Variants in MAP7 observed in about 807,000 individuals in gnomAD.
MAP7 encodes the protein microtubule associated protein 7.
A neutral mutation model predicts 94.8 loss-of-function variants in MAP7; 52 were observed. That is an observed-to-expected ratio of 0.55 (90% CI 0.44 to 0.69). MAP7 has a LOEUF of 0.69. Among genes scored for constraint, MAP7 ranks in the 30% least tolerant of loss-of-function variants. The probability of loss-of-function intolerance (pLI) is 0.00; values close to 1 mark genes in which losing one functional copy is unlikely to be tolerated. For synonymous variants in MAP7, 350 were observed against 357.0 expected (o/e 0.98, Z 0.22); for missense variants, 940 against 964.6 (o/e 0.97, Z 0.34).
At chr6:136,515,354 A>G (rs9376193) in intron 1 of MAP7, among the ~76,000 whole-genome samples, 17,613 of 152,140 alleles carry the variant, frequency 0.12, 2,530 homozygotes, top group African/African-American at 0.34. Context: ...CTTTCTTATC[A>G]TTTGTGTTTA....
At chr6:136,471,783 T>C (rs944480435) in intron 1 of MAP7, among the ~76,000 whole-genome samples, 7 of 152,176 alleles carry the variant, frequency 4.6e-5, no homozygotes, top group Admixed American at 2.0e-4. Flanking sequence ...AAAGATACTT[T>C]TATTTTCTAT....
intron 2 of MAP7, among the ~76,000 whole-genome samples, chr6:136,412,074 T>C (rs1787661500): frequency 6.6e-6 from 1 of 152,218 alleles, no homozygotes. Flanking sequence ...ACTGCACAAA[T>C]GTTTGAGAGT....
At position 136,485,892 on chromosome 6, in the gene MAP7, C is replaced by T. The variant is rs142193556; in HGVS notation, c.68-64093G>A. Among the ~76,000 whole-genome samples the T allele has an allele frequency of 3.9e-3, 597 of 152,258 alleles. 5 individuals carry two copies. Among genetic ancestry groups the T allele is most frequent in the African/African-American group, 0.014 (574 of 41,538 alleles). The stretch of plus-strand genomic sequence containing the variant: ...AGATTTTTTAATGCTTTAAATAGAA[C>T]CTATAATGCATTTTCACAGATGACA... On this transcript the variant is annotated intron_variant, in intron 1 of 17. Coordinates refer to ENST00000354570, the MANE Select transcript of MAP7 (RefSeq NM_003980.6).
At chr6:136,359,957 G>C in intron 14 of MAP7, 24 bp downstream of exon 14, 1 of 1,611,356 alleles carries the variant, frequency 6.2e-7, no homozygotes, top group Non-Finnish European at 8.5e-7. Context: ...TACAAAAGTA[G>C]TTAGAAAACG....
At chr6:136,349,223 G>C (rs1266706985) in intron 16 of MAP7, among the ~76,000 whole-genome samples, 1 of 152,012 alleles carries the variant, frequency 6.6e-6, no homozygotes, top group Non-Finnish European at 1.5e-5. Flanking sequence ...CATGGCTTTT[G>C]AGTAAGAATG....
At position 136,462,690 on chromosome 6, in the gene MAP7, G is replaced by A. The variant is rs1805630742; in HGVS notation, c.68-40891C>T. On this transcript the variant is annotated intron_variant, in intron 1 of 17. Coordinates refer to ENST00000354570, the MANE Select transcript of MAP7 (RefSeq NM_003980.6). Reference sequence around the variant, plus strand: ...AACTTTAATTTTACAGGCTGAGTGTGGTGGCTCACACCTGTAATTCCAGCA... The same window carrying A: ...AACTTTAATTTTACAGGCTGAGTGTAGTGGCTCACACCTGTAATTCCAGCA... Among the ~76,000 whole-genome samples the A allele has an allele frequency of 3.3e-5, 5 of 152,148 alleles. No homozygotes were observed. The South Asian group carries it at 1.0e-3, about 32-fold the overall frequency.
At chr6:136,525,929 T>C in intron 1 of MAP7, 1 of 1,535,120 alleles carries the variant, frequency 6.5e-7, no homozygotes, top group Non-Finnish European at 8.7e-7. Context: ...TCTTCTTCAG[T>C]CTCTCATGTC....
At chr6:136,514,380 T>A (rs950831273) in intron 1 of MAP7, among the ~76,000 whole-genome samples, 5 of 150,390 alleles carry the variant, frequency 3.3e-5, no homozygotes, top group African/African-American at 1.2e-4. Flanking sequence ...AGGTCAGGAG[T>A]TTGAGACCAG....
chr6:136,533,410 C>T (rs891682839), intron 1 of MAP7, among the ~76,000 whole-genome samples: 6 of 152,196 alleles, frequency 3.9e-5, no homozygotes, highest in African/African-American at 1.4e-4. Context: ...TAAAGAACAG[C>T]AAACCAATTC....
At chr6:136,411,805 T>C in intron 2 of MAP7, 108 bp from the exon 3 acceptor site, 1 of 835,748 alleles carries the variant, frequency 1.2e-6, no homozygotes, top group South Asian at 1.7e-5. Flanking sequence ...GAATAATATA[T>C]TGCTGCACTT....
At chr6:136,498,433 T>G (rs1421329037) in intron 1 of MAP7, among the ~76,000 whole-genome samples, 2 of 151,992 alleles carry the variant, frequency 1.3e-5, no homozygotes, top group African/African-American at 4.8e-5. Context: ...AGTCACAAAT[T>G]TATGTACTTT....
intron 15 of MAP7, among the ~76,000 whole-genome samples, 159 bp downstream of exon 15, chr6:136,359,661 T>C (rs1016645618): frequency 7.2e-5 from 11 of 152,126 alleles, no homozygotes; most frequent in African/African-American, 2.4e-4. Flanking sequence ...CAGTTTTACA[T>C]AAGAGGAAGG....
intron 1 of MAP7, among the ~76,000 whole-genome samples, chr6:136,450,431 T>C (rs1800755260): frequency 6.6e-6 from 1 of 152,042 alleles, no homozygotes; most frequent in Admixed American, 6.5e-5. Context: ...ATATTTAAAT[T>C]TTAATATTAA....
chr6:136,346,484 C>G (rs1787737942), intron 16 of MAP7, among the ~76,000 whole-genome samples: 1 of 152,154 alleles, frequency 6.6e-6, no homozygotes, highest in African/African-American at 2.4e-5. Context: ...ATCACTTGAG[C>G]TCAGGAGTTT....
chr6:136,514,561 A>G (rs1339699709), intron 1 of MAP7, among the ~76,000 whole-genome samples: 1 of 137,184 alleles, frequency 7.3e-6, no homozygotes, highest in African/African-American at 2.9e-5. Flanking sequence ...AGCCTGGGTG[A>G]CAGAGCAAGA....
intron 1 of MAP7, among the ~76,000 whole-genome samples, chr6:136,532,987 TA>T (rs1424383726): frequency 3.3e-5 from 5 of 152,210 alleles, no homozygotes; most frequent in African/African-American, 1.2e-4. Context: ...ACCCACAATG[TA>T]ATGAAAACCT....
chr6:136,379,126 ATAAC>A (rs1385747976), intron 6 of MAP7, among the ~76,000 whole-genome samples: 1 of 152,230 alleles, frequency 6.6e-6, no homozygotes, highest in Non-Finnish European at 1.5e-5. Context: ...AGTGTTCTAT[ATAAC>A]TATCTTAAAT....
chr6:136,389,530 TTA>T lies in MAP7; in HGVS notation c.245-15_245-14del, dbSNP rs1491226376. ...ATTTCTCTTGCAGCTTTGGGGAGGG[TTA>T]AAAAAAAAAAAAAAGAGGGAAATCA... On this transcript the variant is annotated splice_polypyrimidine_tract_variant and intron_variant, in intron 3 of 17. Coordinates refer to ENST00000354570, the MANE Select transcript of MAP7 (RefSeq NM_003980.6). 7,130 of 1,580,186 alleles carry T rather than the reference TTA, an allele frequency of 4.5e-3. 19 individuals carry two copies. The highest frequency in any genetic ancestry group is 0.037 in the East Asian group (1,613 of 43,804).
rs920829690 is a variant in MAP7, at chr6:136,421,870, T to C, written c.68-71A>G. ...AATTTCTTCAGAAACATTTAAGTAT[T>C]CGACATTTACTGTTAACCTATGTAC... On this transcript the variant is annotated intron_variant, in intron 1 of 17. Coordinates refer to ENST00000354570, the MANE Select transcript of MAP7 (RefSeq NM_003980.6). 9 of 1,202,784 alleles carry C rather than the reference T, an allele frequency of 7.5e-6. No individual in the cohort carries two copies. The African/African-American group carries it at 1.2e-4, about 16-fold the overall frequency. 74.5% of individuals were successfully genotyped at this position (1,202,784 alleles called of 1,614,324 possible). A position where few individuals can be genotyped will look rare whatever the true frequency, so the allele number is the denominator to read the frequency against.
Sources: allele counts gnomAD v4.1 joint callset (sites outside exome capture counted in the v4.1 genomes callset), GRCh38; gene constraint gnomAD v4.1.1; transcripts MANE v1.5; gene names NCBI Gene and HGNC (gene_info 2026-07-23, HGNC 2026-07-21).